Variants in PELI2 observed in about 807,000 individuals in gnomAD.
The protein encoded by PELI2 is E3 ubiquitin-protein ligase pellino homolog 2.
A neutral mutation model predicts 42.3 loss-of-function variants in PELI2; 23 were observed. The ratio of observed to expected loss-of-function variants is 0.54; its 90% confidence interval spans 0.39 to 0.77. The LOEUF is 0.77. PELI2 is among the 30% of genes least tolerant of loss of function. PELI2 has a pLI of 0.00. For missense variants in PELI2, 463 were observed against 553.2 expected (o/e 0.84, Z 1.64); for synonymous variants, 245 against 212.2 (o/e 1.15, Z -1.34).
intron 2 of PELI2, among the ~76,000 whole-genome samples, chr14:56,193,045 C>G (rs1291602045): frequency 6.6e-6 from 1 of 152,214 alleles, no homozygotes; most frequent in Non-Finnish European, 1.5e-5. Flanking sequence ...CCTTTGCCTT[C>G]AGTAACTCTG....
intron 2 of PELI2, among the ~76,000 whole-genome samples, chr14:56,233,327 A>G (rs1178811485): frequency 6.6e-6 from 1 of 152,218 alleles, no homozygotes; most frequent in Non-Finnish European, 1.5e-5. Flanking sequence ...ACAAAGCTGG[A>G]GGCATCAAGC....
At chr14:56,191,383 T>C (rs992524320) in intron 2 of PELI2, among the ~76,000 whole-genome samples, 5 of 152,238 alleles carry the variant, frequency 3.3e-5, no homozygotes, top group Non-Finnish European at 7.3e-5. Context: ...TGAAAGTTCA[T>C]CTTTACCTAA....
At chr14:56,236,797 T>C (rs1887811167) in intron 2 of PELI2, among the ~76,000 whole-genome samples, 1 of 152,198 alleles carries the variant, frequency 6.6e-6, no homozygotes, top group Admixed American at 6.5e-5. Context: ...AAGTTATTTC[T>C]GGCCACAAAC....
intron 1 of PELI2, among the ~76,000 whole-genome samples, chr14:56,147,459 T>C (rs1170628555): frequency 1.3e-5 from 2 of 152,200 alleles, no homozygotes; most frequent in African/African-American, 4.8e-5. Flanking sequence ...TGAGAAGATA[T>C]GAAAATCACT....
chr14:56,166,307 C>G (rs4901641), intron 1 of PELI2, among the ~76,000 whole-genome samples: 1 of 151,894 alleles, frequency 6.6e-6, no homozygotes, highest in Admixed American at 6.6e-5. Context: ...TTTTGTTGTT[C>G]TGTTTATGTC....
chr14:56,119,911 G>C, intron 1 of PELI2: 1 of 929,364 alleles, frequency 1.1e-6, no homozygotes, highest in Non-Finnish European at 1.3e-6. Flanking sequence ...AAGACTCAGG[G>C]AACTTTGCAA....
At chr14:56,280,765 T>G (rs2139876105) in intron 3 of PELI2, among the ~76,000 whole-genome samples, 1 of 152,242 alleles carries the variant, frequency 6.6e-6, no homozygotes, top group South Asian at 2.1e-4. Context: ...CTACGCATTT[T>G]CACTTCTTTT....
At chr14:56,218,756 AAG>A (rs1398607117) in intron 2 of PELI2, among the ~76,000 whole-genome samples, 3 of 151,998 alleles carry the variant, frequency 2.0e-5, no homozygotes, top group African/African-American at 4.8e-5. Flanking sequence ...GTGGGGAATG[AAG>A]AGAGAGGATT....
At chr14:56,126,368 C>T (rs546063365) in intron 1 of PELI2, among the ~76,000 whole-genome samples, 89 of 152,328 alleles carry the variant, frequency 5.8e-4, no homozygotes, top group African/African-American at 1.8e-3. Flanking sequence ...GAGTCATTCT[C>T]GATTGAGGTT....
intron 2 of PELI2, among the ~76,000 whole-genome samples, chr14:56,245,087 G>A (rs1030718902): frequency 2.0e-5 from 3 of 152,064 alleles, no homozygotes; most frequent in Non-Finnish European, 2.9e-5. Context: ...CTCTTAATTC[G>A]AAACATTGCA....
intron 1 of PELI2, among the ~76,000 whole-genome samples, chr14:56,161,531 C>G (rs1884765702): frequency 6.6e-6 from 1 of 152,142 alleles, no homozygotes; most frequent in Non-Finnish European, 1.5e-5. Context: ...CCTTGGCCTC[C>G]CAAAGTGCTG....
intron 2 of PELI2, among the ~76,000 whole-genome samples, chr14:56,188,888 A>G (rs986165511): frequency 3.9e-5 from 6 of 152,172 alleles, no homozygotes; most frequent in African/African-American, 1.4e-4. Context: ...GGCTGGTCGC[A>G]GTGGCTCATG....
intron 1 of PELI2, among the ~76,000 whole-genome samples, chr14:56,169,413 C>T (rs575731486): frequency 5.9e-5 from 9 of 152,292 alleles, no homozygotes; most frequent in African/African-American, 2.2e-4. Flanking sequence ...TTTAAATGCT[C>T]CCTCCGTGGT....
At chr14:56,195,065 A>G (rs79557007) in intron 2 of PELI2, among the ~76,000 whole-genome samples, 1 of 152,226 alleles carries the variant, frequency 6.6e-6, no homozygotes, top group Non-Finnish European at 1.5e-5. Flanking sequence ...CATTAATTTA[A>G]TGCTTTTCCT....
intron 1 of PELI2, among the ~76,000 whole-genome samples, chr14:56,164,037 G>T (rs1449199625): frequency 6.6e-6 from 1 of 152,024 alleles, no homozygotes; most frequent in African/African-American, 2.4e-5. Flanking sequence ...TGGTTTGGAT[G>T]CCCTTTACAT....
In PELI2 at chr14:56,185,152, G is replaced by A. The variant is rs1214107645; in HGVS notation, c.207+6688G>A. Among the ~76,000 whole-genome samples the A allele has an allele frequency of 2.0e-5, 3 of 151,984 alleles. No homozygotes were observed. In the East Asian group the frequency reaches 5.8e-4, roughly 29 times the overall value. The stretch of plus-strand genomic sequence containing the variant: ...TGATTAGGTGATTATCCTATTATAT[G>A]TTTTACATAGAGTGAGTTTTAGATC... On this transcript the variant is annotated intron_variant, in intron 2 of 5. Transcript: ENST00000267460.
intron 2 of PELI2, among the ~76,000 whole-genome samples, chr14:56,203,851 C>G (rs770813307): frequency 6.6e-6 from 1 of 152,044 alleles, no homozygotes; most frequent in African/African-American, 2.4e-5. Context: ...TGGAGAAAAT[C>G]GGTGACTTTT....
At chr14:56,227,091 A>G (rs996470623) in intron 2 of PELI2, among the ~76,000 whole-genome samples, 1 of 152,218 alleles carries the variant, frequency 6.6e-6, no homozygotes, top group Non-Finnish European at 1.5e-5. Flanking sequence ...TATTAGTTAT[A>G]TTTTATTTTA....
intron 2 of PELI2, among the ~76,000 whole-genome samples, chr14:56,218,697 G>C (rs1012287477): frequency 6.6e-5 from 10 of 151,902 alleles, no homozygotes; most frequent in Admixed American, 6.5e-4. Context: ...GCACGCACAT[G>C]TGTGCGTGTG....
Sources: allele counts gnomAD v4.1 joint callset (sites outside exome capture counted in the v4.1 genomes callset), GRCh38; gene constraint gnomAD v4.1.1; transcripts MANE v1.5; gene names NCBI Gene and HGNC (gene_info 2026-07-23, HGNC 2026-07-21).